Variants in TRPC4 observed in about 807,000 individuals in gnomAD.
TRPC4 encodes short transient receptor potential channel 4.
In TRPC4, 49 loss-of-function variants were observed where a neutral mutation model predicts 99.4. That is an observed-to-expected ratio of 0.49 (90% CI 0.39 to 0.63). The LOEUF is 0.63. TRPC4 is among the 20% of genes least tolerant of loss of function. The pLI, the probability that TRPC4 is intolerant of heterozygous loss-of-function variation, is 0.00. For synonymous variants in TRPC4, 454 were observed against 425.9 expected, an observed-to-expected ratio of 1.07 and a Z score of -0.81; for missense variants, 898 against 1,152.9, an observed-to-expected ratio of 0.78 and a Z score of 3.20.
chr13:37,715,484 T>C (rs1423167805), intron 3 of TRPC4, among the ~76,000 whole-genome samples: 2 of 152,148 alleles, frequency 1.3e-5, no homozygotes, highest in African/African-American at 4.8e-5. Flanking sequence ...TGGGGAAGAA[T>C]CAAATGAGAT....
At chr13:37,861,243 A>G (rs1959298277) in intron 1 of TRPC4, among the ~76,000 whole-genome samples, 1 of 151,512 alleles carries the variant, frequency 6.6e-6, no homozygotes, top group Admixed American at 6.6e-5. Flanking sequence ...TGGGTTGTAT[A>G]TTTACTTTGT....
intron 1 of TRPC4, among the ~76,000 whole-genome samples, chr13:37,812,825 T>A (rs2139485679): frequency 6.6e-6 from 1 of 152,148 alleles, no homozygotes; most frequent in Admixed American, 6.6e-5. Flanking sequence ...GATAATCAAA[T>A]TTCTTAAAAT....
At chr13:37,778,499 T>TA (rs1241269186) in intron 2 of TRPC4, among the ~76,000 whole-genome samples, 3 of 151,998 alleles carry the variant, frequency 2.0e-5, no homozygotes, top group Non-Finnish European at 4.4e-5. Flanking sequence ...TTGCTAGCTA[T>TA]TAATTTATAG....
At chr13:37,696,165 T>C (rs1953897754) in intron 3 of TRPC4, among the ~76,000 whole-genome samples, 1 of 152,080 alleles carries the variant, frequency 6.6e-6, no homozygotes, top group Non-Finnish European at 1.5e-5. Context: ...AACTCCCCTT[T>C]TTAAAACCAT....
intron 1 of TRPC4, among the ~76,000 whole-genome samples, chr13:37,802,303 G>A (rs1593777191): frequency 6.6e-6 from 1 of 151,968 alleles, no homozygotes; most frequent in African/African-American, 2.4e-5. Flanking sequence ...CCTTATTTTT[G>A]TCTAATATTT....
intron 1 of TRPC4, among the ~76,000 whole-genome samples, chr13:37,842,021 G>A (rs1477495882): frequency 9.2e-5 from 14 of 152,020 alleles, no homozygotes; most frequent in Non-Finnish European, 1.9e-4. Flanking sequence ...TGTAACCCCA[G>A]CACTTTGGGA....
intron 2 of TRPC4, among the ~76,000 whole-genome samples, chr13:37,757,206 A>C (rs996259325): frequency 8.5e-5 from 13 of 152,108 alleles, no homozygotes; most frequent in Non-Finnish European, 4.4e-5. Context: ...ATATAGTGTA[A>C]TAGTGATACG....
At chr13:37,638,021 G>A (rs897376925) in intron 10 of TRPC4, among the ~76,000 whole-genome samples, 1 of 152,110 alleles carries the variant, frequency 6.6e-6, no homozygotes, top group African/African-American at 2.4e-5. Context: ...TCTGTCCAAA[G>A]GGATGTCTGA....
intron 2 of TRPC4, among the ~76,000 whole-genome samples, chr13:37,753,741 T>G (rs570680271): frequency 3.2e-4 from 49 of 152,206 alleles, no homozygotes; most frequent in Middle Eastern, 3.4e-3. Context: ...AATGTTCACT[T>G]GTCTGGGATG....
chr13:37,745,540 A>ATATATATATGTATATATGTATATATACG (rs1955749587), intron 3 of TRPC4, among the ~76,000 whole-genome samples: 1 of 22,744 alleles, frequency 4.4e-5, no homozygotes, highest in Non-Finnish European at 6.6e-5. Flanking sequence ...ATATATACGT[A>ATATATATATGTATATATGTATATATACG]TATATATATA....
intron 5 of TRPC4, among the ~76,000 whole-genome samples, chr13:37,667,194 A>C (rs375933341): frequency 1.6e-4 from 24 of 152,190 alleles, no homozygotes; most frequent in East Asian, 9.7e-4. Flanking sequence ...TCTCTTCATC[A>C]CTACCCTCAC....
chr13:37,685,698 G>A (rs1391656808), intron 4 of TRPC4, among the ~76,000 whole-genome samples: 1 of 151,044 alleles, frequency 6.6e-6, no homozygotes, highest in Non-Finnish European at 1.5e-5. Flanking sequence ...TCTAAACCAT[G>A]TTTTCAAACA....
chr13:37,789,390 A>G (rs1051190510), intron 1 of TRPC4, among the ~76,000 whole-genome samples: 5 of 152,194 alleles, frequency 3.3e-5, no homozygotes, highest in African/African-American at 1.2e-4. Context: ...CTTCCTCTCA[A>G]TGCACAGTTA....
At chr13:37,760,968 A>T (rs1052530379) in intron 2 of TRPC4, among the ~76,000 whole-genome samples, 1 of 151,990 alleles carries the variant, frequency 6.6e-6, no homozygotes, top group Non-Finnish European at 1.5e-5. Context: ...TGAATTAAAA[A>T]TACCAGCAAA....
At chr13:37,785,220 C>T (rs565552829) in intron 1 of TRPC4, among the ~76,000 whole-genome samples, 5 of 152,008 alleles carry the variant, frequency 3.3e-5, no homozygotes, top group Non-Finnish European at 5.9e-5. Flanking sequence ...TGATTGCCCC[C>T]ATTTTTTGCA....
intron 8 of TRPC4, among the ~76,000 whole-genome samples, chr13:37,649,760 A>C (rs939527880): frequency 3.1e-5 from 2 of 65,252 alleles, no homozygotes; most frequent in Admixed American, 2.2e-4. Context: ...AAAAAAAAAA[A>C]CAACAACAAA....
chr13:37,804,473 A>G (rs2139444173), intron 1 of TRPC4, among the ~76,000 whole-genome samples: 1 of 152,244 alleles, frequency 6.6e-6, no homozygotes, highest in African/African-American at 2.4e-5. Flanking sequence ...CAGCTCTTAT[A>G]AAAAGAAGAA....
intron 1 of TRPC4, among the ~76,000 whole-genome samples, chr13:37,787,880 G>T (rs532282706): frequency 6.6e-6 from 1 of 151,880 alleles, no homozygotes; most frequent in Non-Finnish European, 1.5e-5. Context: ...AAAACTAAGC[G>T]CTATCTCCAT....
intron 1 of TRPC4, among the ~76,000 whole-genome samples, chr13:37,867,279 T>C (rs1256226695): frequency 6.6e-6 from 1 of 151,988 alleles, no homozygotes; most frequent in East Asian, 1.9e-4. Flanking sequence ...ATTGAACAAA[T>C]GTGTGCATAT....
Sources: gnomAD v4.1 joint callset for allele counts (sites outside exome capture counted in the v4.1 genomes callset) on GRCh38, gnomAD v4.1.1 for gene constraint, MANE v1.5 for transcripts, NCBI Gene and HGNC (gene_info 2026-07-23, HGNC 2026-07-21) for gene names.